Variants in RASAL2 observed in about 807,000 individuals in gnomAD.
RASAL2 encodes RAS protein activator like 2, also known as ras GTPase-activating protein nGAP.
In RASAL2, 58 loss-of-function variants were observed where a neutral mutation model predicts 128.9. The observed-to-expected ratio is 0.45, with a 90% CI of 0.36 to 0.56. The LOEUF is 0.56. RASAL2 is among the 20% of genes least tolerant of loss of function. The pLI is 0.00. For synonymous variants in RASAL2, 561 were observed against 580.8 expected (o/e 0.97, Z 0.49); for missense variants, 1,360 against 1,601.6 (o/e 0.85, Z 2.57).
chr1:178,149,428 T>A (rs1482259821), intron 1 of RASAL2, among the ~76,000 whole-genome samples: 2 of 152,082 alleles, frequency 1.3e-5, no homozygotes, highest in African/African-American at 4.8e-5. Flanking sequence ...TGGATTTAAT[T>A]CATTTTTTTC....
At chr1:178,280,117 TG>T (rs1666714706) in intron 1 of RASAL2, among the ~76,000 whole-genome samples, 2 of 152,182 alleles carry the variant, frequency 1.3e-5, no homozygotes, top group South Asian at 4.1e-4. Context: ...GAAAAGCAAC[TG>T]CTTGTCAGGT....
intron 15 of RASAL2, 65 bp downstream of exon 15, chr1:178,464,477 T>C: frequency 2.5e-6 from 4 of 1,580,432 alleles, no homozygotes; most frequent in Non-Finnish European, 3.4e-6. Flanking sequence ...AAAGGTTATC[T>C]AGCTAAGAAC....
intron 1 of RASAL2, among the ~76,000 whole-genome samples, chr1:178,195,141 A>G (rs1571613516): frequency 6.6e-6 from 1 of 152,200 alleles, no homozygotes; most frequent in Admixed American, 6.5e-5. Flanking sequence ...AGTGGGGCTA[A>G]GAGGTATTAA....
At chr1:178,178,144 CA>C (rs1274119227) in intron 1 of RASAL2, among the ~76,000 whole-genome samples, 2 of 151,994 alleles carry the variant, frequency 1.3e-5, no homozygotes, top group Admixed American at 1.3e-4. Context: ...GACGTAAGAT[CA>C]CCATAAAAAA....
intron 5 of RASAL2, among the ~76,000 whole-genome samples, chr1:178,435,904 C>T (rs1676224597): frequency 1.3e-5 from 2 of 151,992 alleles, no homozygotes; most frequent in African/African-American, 4.8e-5. Context: ...TGATGAAGGC[C>T]ATTGTCAGAT....
chr1:178,147,948 G>A (rs1038313239), intron 1 of RASAL2, among the ~76,000 whole-genome samples: 3 of 152,084 alleles, frequency 2.0e-5, no homozygotes, highest in Non-Finnish European at 2.9e-5. Context: ...GTGCATGCCT[G>A]TAATCCCAGC....
chr1:178,232,914 G>C (rs1484973076), intron 1 of RASAL2, among the ~76,000 whole-genome samples: 1 of 152,062 alleles, frequency 6.6e-6, no homozygotes, highest in Non-Finnish European at 1.5e-5. Flanking sequence ...GGTCCATAAA[G>C]GTGTTGGTGG....
chr1:178,274,827 A>G (rs1354586010), intron 1 of RASAL2, among the ~76,000 whole-genome samples: 1 of 152,088 alleles, frequency 6.6e-6, no homozygotes, highest in African/African-American at 2.4e-5. Flanking sequence ...TGGAGCTCAA[A>G]GGATCCTCCT....
intron 12 of RASAL2, among the ~76,000 whole-genome samples, chr1:178,455,366 TTATAAA>T (rs1411520540): frequency 6.6e-6 from 1 of 152,208 alleles, no homozygotes; most frequent in African/African-American, 2.4e-5. Flanking sequence ...TACAGGCACT[TTATAAA>T]TATGTGTGGT....
chr1:178,273,808 T>C (rs1666368845), intron 1 of RASAL2, among the ~76,000 whole-genome samples: 1 of 152,208 alleles, frequency 6.6e-6, no homozygotes, highest in South Asian at 2.1e-4. Flanking sequence ...CTTACTGCTT[T>C]ATAGCCTTGT....
intron 3 of RASAL2, among the ~76,000 whole-genome samples, chr1:178,387,305 GATAATAC>G (rs1473203329): frequency 6.6e-6 from 1 of 151,904 alleles, no homozygotes; most frequent in Non-Finnish European, 1.5e-5. Flanking sequence ...TTCTGGACCC[GATAATAC>G]ATCATATAAG....
At chr1:178,206,073 T>C (rs1226183327) in intron 1 of RASAL2, among the ~76,000 whole-genome samples, 3 of 152,136 alleles carry the variant, frequency 2.0e-5, no homozygotes, top group African/African-American at 7.2e-5. Context: ...TTTGCCCTTC[T>C]CTTAAATAGA....
At chr1:178,209,937 G>A (rs1053515408) in intron 1 of RASAL2, among the ~76,000 whole-genome samples, 4 of 151,672 alleles carry the variant, frequency 2.6e-5, no homozygotes, top group Non-Finnish European at 1.5e-5. Flanking sequence ...ACTATGGATT[G>A]ATATCTTTTA....
chr1:178,128,613 G>A (rs924734252), intron 1 of RASAL2, among the ~76,000 whole-genome samples: 3 of 151,994 alleles, frequency 2.0e-5, no homozygotes, highest in Non-Finnish European at 2.9e-5. Flanking sequence ...AATTTATAAA[G>A]TCGTATAACC....
At chr1:178,392,408 A>G (rs1281865842) in intron 4 of RASAL2, among the ~76,000 whole-genome samples, 1 of 152,198 alleles carries the variant, frequency 6.6e-6, no homozygotes, top group African/African-American at 2.4e-5. Flanking sequence ...TGAGTGAGAC[A>G]GGAATTGAAA....
Position 178,246,945 on chromosome 1 carries a change from G to C in RASAL2, c.203-36619G>C, listed in dbSNP as rs1457846147. 2.0e-5 allele frequency among the ~76,000 whole-genome samples: 3 copies of C among 152,100 alleles called. No individual in the cohort carries two copies. The East Asian group carries it at 5.8e-4, about 29-fold the overall frequency. Reference sequence around the variant, plus strand: ...CTTGATTGTGGTGGATAAGCTTTTCGATGTGCTGCTGAATCAGTTTGCCAG... The same window carrying C: ...CTTGATTGTGGTGGATAAGCTTTTCCATGTGCTGCTGAATCAGTTTGCCAG... On this transcript the variant is annotated intron_variant, in intron 1 of 17. Coordinates refer to ENST00000367649, the MANE Select transcript of RASAL2 (RefSeq NM_170692.4).
Position 178,464,332 on chromosome 1 carries a change from T to G in RASAL2, c.3307T>G (p.Trp1103Gly). The G allele has an allele frequency of 1.2e-6, 2 of 1,613,810 alleles. No individual in the cohort carries two copies. The highest frequency in any genetic ancestry group is 1.7e-6 in the Non-Finnish European group (2 of 1,179,792). ...GTCCCCAGTAGAGAGGACAGCAGCC[T>G]GGGTTCTGAACAATGGGCAGTATGA... ...TMSPVERTAA[W>G]VLNNGQYEED... Residue 1103 changes from tryptophan to glycine, a missense_variant, in exon 15 of 18, where the codon TGG becomes GGG. By Grantham distance (184) the Trp-to-Gly change is radical. This residue lies in a region of RASAL2 where 741 missense variants were observed against 868.6 expected (regional missense o/e 0.85). Coordinates refer to ENST00000367649, the MANE Select transcript of RASAL2 (RefSeq NM_170692.4).
intron 1 of RASAL2, among the ~76,000 whole-genome samples, chr1:178,141,623 AT>A (rs1393651317): frequency 6.6e-6 from 1 of 152,008 alleles, no homozygotes; most frequent in Non-Finnish European, 1.5e-5. Context: ...TTCCTGCTTA[AT>A]TGGGGCATAG....
chr1:178,102,965 A>G (rs1658959465), intron 1 of RASAL2, among the ~76,000 whole-genome samples: 1 of 152,258 alleles, frequency 6.6e-6, no homozygotes, highest in Non-Finnish European at 1.5e-5. Flanking sequence ...TTTACAAAAA[A>G]TTCAGGGTTA....
Sources: allele counts gnomAD v4.1 joint callset (sites outside exome capture counted in the v4.1 genomes callset), GRCh38; gene constraint gnomAD v4.1.1; regional missense constraint gnomAD v4.1.1; transcripts MANE v1.5; gene names NCBI Gene and HGNC (gene_info 2026-07-23, HGNC 2026-07-21).